DAGLB: variants seen among roughly 807,000 people sequenced by gnomAD.
DAGLB encodes the protein diacylglycerol lipase beta, also known as diacylglycerol lipase-beta.
DAGLB carries 66 observed loss-of-function variants against 72.1 expected under a neutral mutation model. That is an observed-to-expected ratio of 0.92 (90% confidence interval 0.75 to 1.12). The LOEUF (loss-of-function observed/expected upper bound fraction) is 1.12, where lower values mean the gene tolerates loss of function less well. DAGLB is among the 50% of genes most tolerant of loss of function. The probability of loss-of-function intolerance (pLI) is 0.00; values close to 1 mark genes in which losing one functional copy is unlikely to be tolerated. For synonymous variants in DAGLB, 414 were observed against 359.5 expected (o/e 1.15, Z -1.71); for missense variants, 1,065 against 884.9 (o/e 1.20, Z -2.58).
chr7:6,433,448 G>A (rs73342949), intron 4 of DAGLB, among the ~76,000 whole-genome samples: 19,328 of 152,172 alleles, frequency 0.13, 1,363 homozygotes, highest in Admixed American at 0.18. Flanking sequence ...GAAAGCAACA[G>A]AGAGTGAGTC....
At chr7:6,421,324 C>T (rs1413369967) in intron 9 of DAGLB, among the ~76,000 whole-genome samples, 2 of 124,534 alleles carry the variant, frequency 1.6e-5, no homozygotes, top group African/African-American at 6.1e-5. Flanking sequence ...GCGCGGGAGG[C>T]GCAGGCAGCG....
At chr7:6,422,222 C>T (rs1037002874) in intron 8 of DAGLB, 1 of 331,736 alleles carries the variant, frequency 3.0e-6, no homozygotes, top group Non-Finnish European at 6.0e-6. Context: ...CAGGCAGTGC[C>T]GAGTCAGAGG....
intron 2 of DAGLB, among the ~76,000 whole-genome samples, chr7:6,439,922 G>C (rs2115292183): frequency 6.6e-6 from 1 of 151,562 alleles, no homozygotes; most frequent in Non-Finnish European, 1.5e-5. Context: ...CATGGTGGTG[G>C]GCGCCTGTAA....
At chr7:6,436,586 G>GGAA in intron 2 of DAGLB, 53 bp from the exon 3 acceptor site, 1 of 1,606,954 alleles carries the variant, frequency 6.2e-7, no homozygotes, top group East Asian at 2.2e-5. Context: ...GAGATGAAGA[G>GGAA]CTTCCTTTTT....
intron 9 of DAGLB, among the ~76,000 whole-genome samples, chr7:6,421,325 G>A (rs1416443677): frequency 1.6e-5 from 2 of 125,710 alleles, no homozygotes; most frequent in African/African-American, 6.0e-5. Context: ...CGCGGGAGGC[G>A]CAGGCAGCGC....
Position 6,432,854 on chromosome 7 carries a change from C to A in DAGLB, c.784G>T (p.Ala262Ser). The A allele has an allele frequency of 6.2e-7, 1 of 1,613,806 alleles. No homozygotes were observed. Among genetic ancestry groups the A allele is most frequent in the Non-Finnish European group, 8.5e-7 (1 of 1,180,002 alleles). Residue 262 changes from alanine to serine, a missense_variant, in exon 5 of 15, where the codon GCC (alanine) becomes TCC (serine). Coordinates refer to ENST00000297056, the MANE Select transcript of DAGLB (RefSeq NM_139179.4). Reference protein sequence around the residue: ...NQEPAQVVCHAPGSSQEADLD... With the variant: ...NQEPAQVVCHSPGSSQEADLD... Reference sequence around the variant, plus strand: ...AGGCTCACCTGGGAGCTCCCTGGGGCATGGCAGACCACCTGGGCAGGCTCT... The same window carrying A: ...AGGCTCACCTGGGAGCTCCCTGGGGAATGGCAGACCACCTGGGCAGGCTCT...
intron 11 of DAGLB, among the ~76,000 whole-genome samples, 160 bp from the exon 12 acceptor site, chr7:6,413,194 C>T (rs1451585670): frequency 6.6e-6 from 1 of 152,184 alleles, no homozygotes; most frequent in Non-Finnish European, 1.5e-5. Context: ...GTTATGGCAA[C>T]TCACTGGCCA....
At chr7:6,410,410 T>G in intron 13 of DAGLB, 30 bp from the exon 14 acceptor site, 1 of 1,573,084 alleles carries the variant, frequency 6.4e-7, no homozygotes, top group Non-Finnish European at 8.7e-7. Flanking sequence ...AGTAGAATGC[T>G]GTCACTCACC....
At chr7:6,443,852 A>G (rs1227257049) in intron 2 of DAGLB, among the ~76,000 whole-genome samples, 1 of 152,198 alleles carries the variant, frequency 6.6e-6, no homozygotes, top group East Asian at 1.9e-4. Context: ...TTTATTAGTC[A>G]CCACAGTGCT....
chr7:6,410,277 G>C lies in DAGLB; in HGVS notation c.1673C>G (p.Pro558Arg). 1.2e-6 allele frequency: 2 copies of C among 1,613,854 alleles called. No homozygotes were observed. Among genetic ancestry groups the C allele is most frequent in the East Asian group, 2.2e-5 (1 of 44,882 alleles). ...DGGDQEVLTQ[P>R]LLGEQSLLTR... is the part of the protein sequence containing the mutation. Reference sequence around the variant, plus strand: ...CAGTAGGCTCTGCTCCCCCAGAAGAGGCTGTGTCAGGACTTCCTGGTCGCC... The same window carrying C: ...CAGTAGGCTCTGCTCCCCCAGAAGACGCTGTGTCAGGACTTCCTGGTCGCC... Residue 558 changes from proline to arginine, a missense_variant, in exon 14 of 15, where the codon CCT becomes CGT. By Grantham distance (103) the Pro-to-Arg change is moderately radical. Transcript: ENST00000297056.
Position 6,416,620 on chromosome 7 carries a change from G to C in DAGLB, c.1427+7C>G, listed in dbSNP as rs538195061. On this transcript the variant is annotated splice_region_variant and intron_variant, in intron 11 of 14. Transcript: ENST00000297056. The stretch of plus-strand genomic sequence containing the variant: ...CAAGCTGTTAGAGCAGGAAAACAAA[G>C]GCTCACCTCCACAGCCCCCGGGGTG... 3.1e-6 allele frequency: 5 copies of C among 1,590,652 alleles called. No individual in the cohort carries two copies. The African/African-American group carries it at 4.1e-5, about 13-fold the overall frequency.
intron 13 of DAGLB, chr7:6,412,494 C>G: frequency 3.1e-6 from 1 of 325,170 alleles, no homozygotes. Context: ...GAGACAGGGT[C>G]TTGTTGTGTT....
rs755213485 is a variant in DAGLB at position 6,412,880 on chromosome 7, G to A, written c.1500C>T (p.Leu500=). 6 of 1,609,516 alleles carry A rather than the reference G, an allele frequency of 3.7e-6. No individual in the cohort carries two copies. The highest frequency in any genetic ancestry group is 1.7e-4 in the Middle Eastern group (1 of 6,052). ...LVLGKDVIPR[L]SVTNLEDLKR... is the part of the protein sequence containing the mutation. Reference sequence around the variant, plus strand: ...TCAGATCTTCCAAGTTGGTCACACTGAGCCTGTTTAGCAAAGGGGCACACT... The same window carrying A: ...TCAGATCTTCCAAGTTGGTCACACTAAGCCTGTTTAGCAAAGGGGCACACT... The change falls in exon 13 of 15, where the codon CTC becomes CTT. Residue 500 remains leucine (L), a synonymous_variant. Coordinates refer to ENST00000297056, the MANE Select transcript of DAGLB (RefSeq NM_139179.4).
chr7:6,437,170 T>TA (rs1784690448), intron 2 of DAGLB, among the ~76,000 whole-genome samples: 1 of 138,320 alleles, frequency 7.2e-6, no homozygotes, highest in Non-Finnish European at 1.6e-5. Flanking sequence ...ATAATAATAA[T>TA]AATAATAATA....
chr7:6,412,506 C>T, intron 13 of DAGLB: 1 of 375,422 alleles, frequency 2.7e-6, no homozygotes, highest in Non-Finnish European at 4.9e-6. Flanking sequence ...TGTTGTGTTG[C>T]CCAGGTTGGC....
intron 2 of DAGLB, among the ~76,000 whole-genome samples, chr7:6,442,843 A>C (rs1198259864): frequency 6.6e-6 from 1 of 152,074 alleles, no homozygotes; most frequent in African/African-American, 2.4e-5. Flanking sequence ...AGCTAAGGTC[A>C]GGAGTTCGAG....
intron 2 of DAGLB, 89 bp downstream of exon 2, chr7:6,445,864 G>C: frequency 7.2e-7 from 1 of 1,398,230 alleles, no homozygotes; most frequent in East Asian, 2.4e-5. Flanking sequence ...GAATTGGAAA[G>C]TTTACAGAAG....
chr7:6,446,189 C>A, intron 1 of DAGLB, 85 bp from the exon 2 acceptor site: 1 of 1,433,240 alleles, frequency 7.0e-7, no homozygotes, highest in Non-Finnish European at 9.2e-7. Context: ...TAAAAGGGGA[C>A]AGGGCGCGGT....
At chr7:6,430,694 T>C in intron 5 of DAGLB, 87 bp from the exon 6 acceptor site, 4 of 1,309,354 alleles carry the variant, frequency 3.1e-6, no homozygotes, top group Non-Finnish European at 4.0e-6. Context: ...CCTGAACTCA[T>C]TCCTGACTCT....
Sources: gnomAD v4.1 joint callset for allele counts (sites outside exome capture counted in the v4.1 genomes callset) on GRCh38, gnomAD v4.1.1 for gene constraint, MANE v1.5 for transcripts, NCBI Gene and HGNC (gene_info 2026-07-23, HGNC 2026-07-21) for gene names.